PRKAR1A: variants seen among roughly 807,000 people sequenced by gnomAD.
PRKAR1A encodes the protein cAMP-dependent protein kinase type I-alpha regulatory subunit.
In PRKAR1A, 3 loss-of-function variants were observed where a neutral mutation model predicts 52.0. That is an observed-to-expected ratio of 0.06 (90% confidence interval 0.03 to 0.15). PRKAR1A has a LOEUF of 0.15. Among genes scored for constraint, PRKAR1A ranks in the 10% least tolerant of loss-of-function variants. The pLI is 1.00. For synonymous variants in PRKAR1A, 188 were observed against 168.4 expected (o/e 1.12, Z -0.90); for missense variants, 240 against 477.4 (o/e 0.50, Z 4.63).
the PRKAR1A span, among the ~76,000 whole-genome samples, chr17:68,503,925 T>C: frequency 3.3e-5 from 5 of 152,150 alleles, no homozygotes; most frequent in Non-Finnish European, 7.4e-5. Context: ...AAGGGAAACT[T>C]TGTACTCTGT....
the PRKAR1A span, among the ~76,000 whole-genome samples, chr17:68,477,597 A>G: frequency 7.9e-5 from 12 of 151,884 alleles, no homozygotes; most frequent in African/African-American, 2.9e-4. Context: ...TCAAATTCAG[A>G]TTCAGTGCTT....
rs202178631 is a variant in PRKAR1A at position 68,513,460 on chromosome 17, TTTTA to T, written c.-7+920_-7+923del. Among the ~76,000 whole-genome samples, 493 of 152,332 alleles carry T rather than the reference TTTTA, an allele frequency of 3.2e-3. 5 individuals carry two copies. The highest frequency in any genetic ancestry group is 0.011 in the African/African-American group (448 of 41,562). ...AATCAGGAACAGTTTCTCAAAGTGTTTTTATTTATTTCCCAGAATGTAATCCTTT... is the reference window on the plus strand; with the variant it reads ...AATCAGGAACAGTTTCTCAAAGTGTTTTTATTTCCCAGAATGTAATCCTTT... On this transcript the variant is annotated intron_variant, in intron 1 of 10. Coordinates refer to ENST00000589228, the MANE Select transcript of PRKAR1A (RefSeq NM_002734.5).
the PRKAR1A span, among the ~76,000 whole-genome samples, chr17:68,481,792 C>T: frequency 1.3e-5 from 2 of 152,074 alleles, no homozygotes; most frequent in Non-Finnish European, 2.9e-5. Flanking sequence ...GGGATATACA[C>T]AGTTGAATAG....
At chr17:68,499,905 T>G in the PRKAR1A span, among the ~76,000 whole-genome samples, 1 of 152,242 alleles carries the variant, frequency 6.6e-6, no homozygotes. Flanking sequence ...ACAGTCACTC[T>G]TTCATGGCCT....
chr17:68,457,705 C>T, the PRKAR1A span, among the ~76,000 whole-genome samples: 1 of 152,146 alleles, frequency 6.6e-6, no homozygotes, highest in East Asian at 1.9e-4. Context: ...TGGCCACGAG[C>T]CCAAGCCACG....
At chr17:68,516,612 A>G (rs576997424) in intron 2 of PRKAR1A, among the ~76,000 whole-genome samples, 1 of 152,238 alleles carries the variant, frequency 6.6e-6, no homozygotes, top group Non-Finnish European at 1.5e-5. Context: ...GTTTATTAGT[A>G]AAAGAATCTG....
At chr17:68,529,266 A>G (rs2085889399) in intron 9 of PRKAR1A, among the ~76,000 whole-genome samples, 1 of 152,262 alleles carries the variant, frequency 6.6e-6, no homozygotes, top group Non-Finnish European at 1.5e-5. Flanking sequence ...AAAACCATTT[A>G]ACATAACAAA....
chr17:68,479,579 TCTTAA>T, the PRKAR1A span, among the ~76,000 whole-genome samples: 1 of 152,228 alleles, frequency 6.6e-6, no homozygotes, highest in Non-Finnish European at 1.5e-5. Flanking sequence ...CCTCTATGAC[TCTTAA>T]CTTTCCTATT....
the PRKAR1A span, chr17:68,457,397 G>GT: frequency 6.5e-7 from 1 of 1,531,934 alleles, no homozygotes; most frequent in African/African-American, 1.4e-5. Context: ...CCGCCCGGGG[G>GT]AGCGTCCGCG....
the PRKAR1A span, among the ~76,000 whole-genome samples, chr17:68,438,717 C>T: frequency 6.6e-6 from 1 of 152,224 alleles, no homozygotes. Context: ...TCTCCTGTCT[C>T]AGCCTGCCAA....
At chr17:68,468,887 G>A in the PRKAR1A span, among the ~76,000 whole-genome samples, 1 of 152,108 alleles carries the variant, frequency 6.6e-6, no homozygotes, top group Non-Finnish European at 1.5e-5. Flanking sequence ...CCATTCCTAG[G>A]CTCTCAGCTC....
chr17:68,430,764 T>C, the PRKAR1A span, among the ~76,000 whole-genome samples: 5 of 152,112 alleles, frequency 3.3e-5, no homozygotes, highest in Non-Finnish European at 5.9e-5. Context: ...GGGGTGACTG[T>C]TCTGTTGGTG....
chr17:68,530,468 C>A lies in PRKAR1A; in HGVS notation c.*19C>A. The stretch of plus-strand genomic sequence containing the variant: ...TGTCTGAAATCTGCCTCCTGTGCCT[C>A]CCTTTTCTCCTCTCCCCAATCCATG... On this transcript the variant is annotated 3_prime_UTR_variant, in exon 11 of 11. Transcript: ENST00000589228. The A allele has an allele frequency of 6.2e-7, 1 of 1,613,966 alleles. No homozygotes were observed. Among genetic ancestry groups the A allele is most frequent in the Non-Finnish European group, 8.5e-7 (1 of 1,179,894 alleles).
At chr17:68,519,999 C>T (rs1199321975) in intron 2 of PRKAR1A, among the ~76,000 whole-genome samples, 2 of 152,234 alleles carry the variant, frequency 1.3e-5, no homozygotes, top group African/African-American at 4.8e-5. Flanking sequence ...CCCCAAATTT[C>T]AGTGGTTACT....
the PRKAR1A span, among the ~76,000 whole-genome samples, chr17:68,505,831 A>T: frequency 6.6e-6 from 1 of 152,186 alleles, no homozygotes. Context: ...CACACACAGA[A>T]GTATCAACAT....
chr17:68,537,284 C>G (rs150972449), downstream of PRKAR1A: 1 of 777,564 alleles, frequency 1.3e-6, no homozygotes, highest in Non-Finnish European at 2.2e-6. This position sits in a 1 kb window ranked among gnomAD's most constrained non-coding sequence, Gnocchi z 4.2. Context: ...AGGCAACGCA[C>G]GACAGAAGCG....
chr17:68,499,554 T>A, the PRKAR1A span, among the ~76,000 whole-genome samples: 4 of 152,352 alleles, frequency 2.6e-5, no homozygotes, highest in East Asian at 7.7e-4. Flanking sequence ...GGGCTATCCA[T>A]CAGGGTTGCT....
chr17:68,531,875 G>T lies in PRKAR1A; in HGVS notation c.*1426G>T. ...TAATGTAGGCACTTTTATTTTCATT[G>T]TGATTTATATATAAGGTAATGTAGG... On this transcript the variant is annotated 3_prime_UTR_variant, in exon 11 of 11. Coordinates refer to ENST00000589228, the MANE Select transcript of PRKAR1A (RefSeq NM_002734.5). The T allele has an allele frequency of 9.6e-7, 1 of 1,044,134 alleles. No homozygotes were observed. Among genetic ancestry groups the T allele is most frequent in the Non-Finnish European group, 1.2e-6 (1 of 859,858 alleles). 64.7% of individuals were successfully genotyped at this position (1,044,134 alleles called of 1,614,324 possible). A position where few individuals can be genotyped will look rare whatever the true frequency, so the allele number is the denominator to read the frequency against.
At chr17:68,486,557 CT>C in the PRKAR1A span, among the ~76,000 whole-genome samples, 3 of 125,892 alleles carry the variant, frequency 2.4e-5, no homozygotes, top group African/African-American at 3.1e-5. Flanking sequence ...TTCTTTCTTT[CT>C]TTCTTTCTTT....
Sources: gnomAD v4.1 joint callset for allele counts (sites outside exome capture counted in the v4.1 genomes callset) on GRCh38, gnomAD v4.1.1 for gene constraint, Gnocchi (gnomAD v3.1) non-coding constraint, MANE v1.5 for transcripts, NCBI Gene and HGNC (gene_info 2026-07-23, HGNC 2026-07-21) for gene names.